SNX29: variants seen among roughly 807,000 people sequenced by gnomAD.
SNX29 encodes sorting nexin-29.
A neutral mutation model predicts 102.1 loss-of-function variants in SNX29; 78 were observed. The ratio of observed to expected loss-of-function variants is 0.76; its 90% CI spans 0.64 to 0.92. SNX29 has a LOEUF of 0.92. SNX29 is among the 40% of genes least tolerant of loss of function. The probability of loss-of-function intolerance (pLI) is 0.00; values close to 1 mark genes in which losing one functional copy is unlikely to be tolerated. For missense variants in SNX29, 1,280 were observed against 1,061.7 expected (o/e 1.21, Z -2.86); for synonymous variants, 580 against 414.5 (o/e 1.40, Z -4.85).
At chr16:12,350,171 G>A (rs536796676) in intron 15 of SNX29, among the ~76,000 whole-genome samples, 140 of 152,280 alleles carry the variant, frequency 9.2e-4, no homozygotes, top group African/African-American at 3.2e-3. Flanking sequence ...AACACTGCAT[G>A]TGACAGTTAC....
intron 20 of SNX29, among the ~76,000 whole-genome samples, chr16:12,540,145 CTTTACAT>C (rs1436114569): frequency 2.0e-5 from 3 of 152,194 alleles, no homozygotes; most frequent in Admixed American, 6.5e-5. Context: ...AGTTTTATAG[CTTTACAT>C]TTTAGATCTG....
At chr16:12,181,951 T>G (rs1203540608) in intron 13 of SNX29, among the ~76,000 whole-genome samples, 1 of 151,676 alleles carries the variant, frequency 6.6e-6, no homozygotes, top group Non-Finnish European at 1.5e-5. Flanking sequence ...TGGCACGATC[T>G]CAGCTCAATG....
At chr16:12,179,509 T>C (rs147736997) in intron 13 of SNX29, among the ~76,000 whole-genome samples, 40 of 152,344 alleles carry the variant, frequency 2.6e-4, no homozygotes, top group Middle Eastern at 3.4e-3. Flanking sequence ...GGCATATGTT[T>C]CCCTGTTTTC....
chr16:12,163,099 C>A (rs1192472270), intron 13 of SNX29, among the ~76,000 whole-genome samples: 1 of 152,160 alleles, frequency 6.6e-6, no homozygotes, highest in Non-Finnish European at 1.5e-5. Flanking sequence ...CCAGGCTGGT[C>A]TCGAACTCCT....
rs76490506 is a variant in SNX29 at position 12,522,253 on chromosome 16, T to C, written c.2179-2449T>C. On this transcript the variant is annotated intron_variant, in intron 19 of 20. Coordinates refer to ENST00000566228, the MANE Select transcript of SNX29 (RefSeq NM_032167.5). ...TAGAACATACTTTTTGCTGAAAAAT[T>C]GTTCATTGTTTATTTGAAGTTCAAA... Among the ~76,000 whole-genome samples, 1,342 of 152,306 alleles carry C rather than the reference T, an allele frequency of 8.8e-3. 12 individuals are homozygous for C. The highest frequency in any genetic ancestry group is 0.015 in the Non-Finnish European group (1,050 of 68,022).
chr16:12,043,624 T>A (rs1201632476), intron 5 of SNX29, among the ~76,000 whole-genome samples: 2 of 152,110 alleles, frequency 1.3e-5, no homozygotes, highest in Non-Finnish European at 2.9e-5. Context: ...CCCAAAGTGC[T>A]GGGATTACAG....
chr16:12,489,814 CT>C (rs913778562), intron 19 of SNX29, among the ~76,000 whole-genome samples: 1 of 151,774 alleles, frequency 6.6e-6, no homozygotes, highest in African/African-American at 2.4e-5. Context: ...TTGGCTTTTT[CT>C]TTTTTTTCGA....
chr16:12,552,303 C>T (rs189727669), intron 20 of SNX29, among the ~76,000 whole-genome samples: 6 of 152,280 alleles, frequency 3.9e-5, no homozygotes, highest in South Asian at 4.1e-4. Flanking sequence ...GTTTCCTCTT[C>T]TAGAAGAGGT....
intron 11 of SNX29, among the ~76,000 whole-genome samples, chr16:12,088,477 G>A (rs989543919): frequency 9.9e-5 from 15 of 152,164 alleles, no homozygotes; most frequent in Non-Finnish European, 1.5e-5. Flanking sequence ...CATTTATATG[G>A]GAAGGCTTGG....
At chr16:12,437,946 G>A (rs1342513414) in intron 18 of SNX29, among the ~76,000 whole-genome samples, 5 of 152,014 alleles carry the variant, frequency 3.3e-5, no homozygotes, top group African/African-American at 1.2e-4. Context: ...CATCTGCACT[G>A]CCAGGCCCAG....
At chr16:11,982,055 AAGC>A (rs981336721) in intron 1 of SNX29, among the ~76,000 whole-genome samples, 5 of 152,088 alleles carry the variant, frequency 3.3e-5, no homozygotes, top group Admixed American at 6.6e-5. Flanking sequence ...AAAAAAAAAA[AAGC>A]AGGGTGTAGA....
rs530183456 is a variant in SNX29 at position 12,443,084 on chromosome 16, C to T, written c.2038-34635C>T. ...CGTCCAGCCTGGTTTGAGAGGAGTG[C>T]GTCTGGAGGGAACAGTGTGTCAGAG... On this transcript the variant is annotated intron_variant, in intron 18 of 20. Coordinates refer to ENST00000566228, the MANE Select transcript of SNX29 (RefSeq NM_032167.5). The T allele has an allele frequency of 5.5e-5, 25 of 454,190 alleles. No individual in the cohort carries two copies. In the East Asian group the frequency reaches 1.1e-3, roughly 20 times the overall value. 28.1% of individuals were successfully genotyped at this position (454,190 alleles called of 1,614,324 possible).
chr16:12,551,715 T>A (rs1176823209), intron 20 of SNX29, among the ~76,000 whole-genome samples: 5 of 152,304 alleles, frequency 3.3e-5, no homozygotes, highest in African/African-American at 1.2e-4. Flanking sequence ...TGAGCCAACT[T>A]GTGAATGGGG....
chr16:12,001,769 G>A (rs2056296262), intron 2 of SNX29, among the ~76,000 whole-genome samples: 1 of 152,164 alleles, frequency 6.6e-6, no homozygotes, highest in African/African-American at 2.4e-5. Flanking sequence ...TGTAATCCCA[G>A]TGCTTTGAGA....
intron 8 of SNX29, among the ~76,000 whole-genome samples, chr16:12,056,767 A>G (rs902715037): frequency 6.6e-6 from 1 of 151,970 alleles, no homozygotes; most frequent in Non-Finnish European, 1.5e-5. Context: ...TTTACAAGGG[A>G]TAGTATTTTT....
At chr16:12,005,148 A>G (rs529181871) in intron 3 of SNX29, among the ~76,000 whole-genome samples, 1 of 152,326 alleles carries the variant, frequency 6.6e-6, no homozygotes, top group Admixed American at 6.5e-5. Context: ...GTACACAAGC[A>G]CTTTGTGCCT....
In SNX29 at chr16:12,027,210, C is replaced by A. The variant is rs1484522741; in HGVS notation, c.123-110C>A. On this transcript the variant is annotated intron_variant, in intron 3 of 20. Transcript: ENST00000566228. ...CATCCAGGTGTCTCCTGTCTGCCTT[C>A]ACGCTGAGGTTTACACCTGGCGGCT... 9.4e-6 allele frequency: 13 copies of A among 1,380,888 alleles called. No individual in the cohort carries two copies. In the East Asian group the frequency reaches 2.6e-4, roughly 28 times the overall value. The allele number at this position is 1,380,888 out of a possible 1,614,324, so 85.5% of individuals were successfully genotyped here.
chr16:12,518,532 G>A (rs1466705408), intron 19 of SNX29, among the ~76,000 whole-genome samples: 1 of 152,178 alleles, frequency 6.6e-6, no homozygotes. Context: ...TTCAGGGGCT[G>A]CTTCCTTGCA....
chr16:12,173,657 A>G (rs1014431691), intron 13 of SNX29, among the ~76,000 whole-genome samples: 6 of 152,198 alleles, frequency 3.9e-5, no homozygotes, highest in African/African-American at 1.4e-4. Flanking sequence ...TCTGGAGCCA[A>G]TGCTAATGTT....
Sources: gnomAD v4.1 joint callset for allele counts (sites outside exome capture counted in the v4.1 genomes callset) on GRCh38, gnomAD v4.1.1 for gene constraint, MANE v1.5 for transcripts, NCBI Gene and HGNC (gene_info 2026-07-23, HGNC 2026-07-21) for gene names.